Variants in PMS1 observed in about 807,000 individuals in gnomAD.
PMS1 encodes the protein PMS1 homolog 1, mismatch repair system component, also known as PMS1 protein homolog 1.
PMS1 carries 79 observed loss-of-function variants against 93.1 expected under a neutral mutation model. The ratio of observed to expected loss-of-function variants is 0.85; its 90% confidence interval spans 0.71 to 1.02. The LOEUF is 1.02. Among genes scored for constraint, PMS1 ranks in the 50% least tolerant of loss-of-function variants. The pLI is 0.00. For synonymous variants in PMS1, 335 were observed against 363.4 expected (o/e 0.92, Z 0.89); for missense variants, 1,064 against 1,085.3 (o/e 0.98, Z 0.28).
At chr2:189,837,278 A>C (rs1400860401) in intron 5 of PMS1, among the ~76,000 whole-genome samples, 1 of 151,660 alleles carries the variant, frequency 6.6e-6, no homozygotes, top group African/African-American at 2.4e-5. Context: ...GGCATGTGCC[A>C]CCATGCCCAG....
intron 11 of PMS1, among the ~76,000 whole-genome samples, chr2:189,872,263 T>C (rs2057215319): frequency 6.6e-6 from 1 of 152,220 alleles, no homozygotes; most frequent in African/African-American, 2.4e-5. Context: ...ATCTCTGTAG[T>C]CTACCAGCAT....
At chr2:189,822,963 T>C (rs996669767) in intron 5 of PMS1, among the ~76,000 whole-genome samples, 1 of 152,208 alleles carries the variant, frequency 6.6e-6, no homozygotes, top group Non-Finnish European at 1.5e-5. Flanking sequence ...TGAGAAAACA[T>C]TGTAATACTA....
At chr2:189,845,984 A>G (rs1295757702) in intron 6 of PMS1, among the ~76,000 whole-genome samples, 1 of 150,976 alleles carries the variant, frequency 6.6e-6, no homozygotes, top group Non-Finnish European at 1.5e-5. Context: ...CCGGCCTCCC[A>G]AAGTGCTAGG....
intron 3 of PMS1, among the ~76,000 whole-genome samples, chr2:189,805,243 G>A (rs899113649): frequency 6.6e-6 from 1 of 151,946 alleles, no homozygotes; most frequent in African/African-American, 2.4e-5. Flanking sequence ...TAAAGAAGGG[G>A]GAGGGAATGA....
intron 4 of PMS1, chr2:189,806,308 G>A (rs1001754012): frequency 1.2e-5 from 3 of 241,204 alleles, no homozygotes; most frequent in Non-Finnish European, 2.5e-5. Context: ...AAGCAAATAC[G>A]TATTGTTTCT....
At chr2:189,831,058 A>G (rs1407130010) in intron 5 of PMS1, among the ~76,000 whole-genome samples, 1 of 152,228 alleles carries the variant, frequency 6.6e-6, no homozygotes, top group Non-Finnish European at 1.5e-5. Flanking sequence ...ATTTTGTTAC[A>G]GCAGAATTTG....
intron 1 of PMS1, among the ~76,000 whole-genome samples, chr2:189,787,090 C>T (rs962602986): frequency 5.9e-5 from 9 of 152,028 alleles, no homozygotes; most frequent in Non-Finnish European, 1.2e-4. Context: ...ATTCTCTGAT[C>T]AGTTTGGGAC....
At chr2:189,802,531 A>T (rs1331979724) in intron 3 of PMS1, among the ~76,000 whole-genome samples, 2 of 152,202 alleles carry the variant, frequency 1.3e-5, no homozygotes, top group Non-Finnish European at 2.9e-5. Context: ...CACAGTTCAG[A>T]CTTGTGTTGT....
At chr2:189,869,331 A>G (rs1005119557) in intron 11 of PMS1, among the ~76,000 whole-genome samples, 2 of 152,190 alleles carry the variant, frequency 1.3e-5, no homozygotes, top group African/African-American at 4.8e-5. Context: ...AGCCCCCTTT[A>G]GCAGGCTTGC....
intron 6 of PMS1, 94 bp downstream of exon 6, chr2:189,844,174 T>C (rs1213087278): frequency 3.2e-6 from 5 of 1,585,954 alleles, no homozygotes; most frequent in African/African-American, 1.3e-5. Flanking sequence ...AAGAGGTTAG[T>C]CTTTTAATAT....
intron 6 of PMS1, among the ~76,000 whole-genome samples, chr2:189,846,954 C>T (rs561447002): frequency 1.1e-3 from 164 of 151,538 alleles, no homozygotes; most frequent in African/African-American, 3.4e-3. Context: ...CTCTGCCCCC[C>T]GGGTTCAAGT....
intron 11 of PMS1, among the ~76,000 whole-genome samples, chr2:189,872,842 G>A (rs1429354070): frequency 6.6e-6 from 1 of 152,002 alleles, no homozygotes; most frequent in Non-Finnish European, 1.5e-5. Flanking sequence ...CACCATGTTG[G>A]ACAGGCTGGT....
chr2:189,822,853 A>G (rs1436417765), intron 5 of PMS1, among the ~76,000 whole-genome samples: 1 of 152,226 alleles, frequency 6.6e-6, no homozygotes. Flanking sequence ...TAAAAATCTT[A>G]TAAGAAAATT....
intron 9 of PMS1, among the ~76,000 whole-genome samples, chr2:189,858,572 G>A (rs776570962): frequency 1.3e-5 from 2 of 152,020 alleles, no homozygotes; most frequent in Admixed American, 6.6e-5. Context: ...AGTACCATAT[G>A]TGAAAATTTG....
At chr2:189,822,705 G>T (rs1330222057) in intron 5 of PMS1, among the ~76,000 whole-genome samples, 1 of 152,182 alleles carries the variant, frequency 6.6e-6, no homozygotes, top group Non-Finnish European at 1.5e-5. Context: ...CTAATTGTTA[G>T]TATCAACCCT....
chr2:189,841,399 G>C (rs917677620), intron 5 of PMS1, among the ~76,000 whole-genome samples: 5 of 152,148 alleles, frequency 3.3e-5, no homozygotes, highest in African/African-American at 1.2e-4. Context: ...TTACTGAGTA[G>C]TTGTTACACT....
intron 5 of PMS1, among the ~76,000 whole-genome samples, chr2:189,821,872 T>A (rs1404645904): frequency 2.0e-5 from 3 of 152,208 alleles, no homozygotes; most frequent in Non-Finnish European, 4.4e-5. Context: ...TAAAAATGAA[T>A]ATATTAGAAA....
chr2:189,821,035 G>T (rs2051811142), intron 5 of PMS1, among the ~76,000 whole-genome samples: 1 of 151,640 alleles, frequency 6.6e-6, no homozygotes, highest in Admixed American at 6.6e-5. Flanking sequence ...GGATCCAGAG[G>T]ATATTTAGTA....
chr2:189,854,443 C>T lies in PMS1; in HGVS notation c.1171C>T (p.Gln391Ter), dbSNP rs1458691405. 1 of 1,609,660 alleles carries T rather than the reference C, an allele frequency of 6.2e-7. No individual in the cohort carries two copies. The highest frequency in any genetic ancestry group is 8.5e-7 in the Non-Finnish European group (1 of 1,176,918). ...SNVDTSVIPFQNDMHNDESGK... is the reference protein window; with the variant it reads ...SNVDTSVIPF ...TGTTGATACTTCAGTCATTCCATTC[C>T]AAAATGATATGCATAATGATGAATC... Residue 391 changes from glutamine to a stop codon, truncating the protein, a stop_gained, in exon 9 of 13, where the codon CAA (glutamine) becomes TAA (stop). Coordinates refer to ENST00000441310, the MANE Select transcript of PMS1 (RefSeq NM_000534.5). LOFTEE classifies it high-confidence loss of function.
Sources: allele counts gnomAD v4.1 joint callset (sites outside exome capture counted in the v4.1 genomes callset), GRCh38; gene constraint gnomAD v4.1.1; transcripts MANE v1.5; gene names NCBI Gene and HGNC (gene_info 2026-07-23, HGNC 2026-07-21).